Variants in PDE10A observed in about 807,000 individuals in gnomAD.
The protein encoded by PDE10A is phosphodiesterase 10A.
PDE10A carries 39 observed loss-of-function variants against 97.7 expected under a neutral mutation model. The observed-to-expected ratio is 0.40, with a 90% CI of 0.31 to 0.52. The LOEUF is 0.52. Ranked by LOEUF, PDE10A falls within the 20% of genes least tolerant of loss-of-function variation. The probability of loss-of-function intolerance (pLI) is 0.56; values close to 1 mark genes in which losing one functional copy is unlikely to be tolerated. For missense variants in PDE10A, 731 were observed against 1,047.8 expected (o/e 0.70, Z 4.17); for synonymous variants, 371 against 376.8 (o/e 0.98, Z 0.18).
At chr6:165,589,327 A>G (rs745748635) in intron 1 of PDE10A, among the ~76,000 whole-genome samples, 1 of 152,190 alleles carries the variant, frequency 6.6e-6, no homozygotes, top group African/African-American at 2.4e-5. Context: ...TGGCCTCCAC[A>G]TGCTTGTGGA....
rs535719240 is a variant in PDE10A, at chr6:165,491,242, G to A, written c.995-8899C>T. Among the ~76,000 whole-genome samples, 14 of 152,026 alleles carry A rather than the reference G, an allele frequency of 9.2e-5. No individual in the cohort carries two copies. In the South Asian group the frequency reaches 1.5e-3, roughly 16 times the overall value. On this transcript the variant is annotated intron_variant, in intron 2 of 21. Coordinates refer to ENST00000539869, the MANE Select transcript of PDE10A (RefSeq NM_001385079.1). ...ATATATATGCACCTAACACTGGAGC[G>A]CCCAAATTTATAAAAGACCTAAGAA...
chr6:165,419,544 G>A (rs962448892), intron 10 of PDE10A, among the ~76,000 whole-genome samples: 2 of 152,206 alleles, frequency 1.3e-5, no homozygotes, highest in African/African-American at 4.8e-5. Context: ...TGTTCCCATG[G>A]CCCATGCTTT....
intron 1 of PDE10A, among the ~76,000 whole-genome samples, chr6:165,632,764 C>G (rs1788692904): frequency 6.6e-6 from 1 of 152,174 alleles, no homozygotes; most frequent in African/African-American, 2.4e-5. Flanking sequence ...CCTTTCATCA[C>G]AAGTATGGGA....
chr6:165,636,453 AAAG>A (rs1427474864), intron 1 of PDE10A, among the ~76,000 whole-genome samples: 1 of 152,236 alleles, frequency 6.6e-6, no homozygotes, highest in Non-Finnish European at 1.5e-5. Context: ...CAATCATTTA[AAAG>A]AAGAACTCCA....
chr6:165,633,542 C>G (rs896246712), intron 1 of PDE10A, among the ~76,000 whole-genome samples: 6 of 152,096 alleles, frequency 3.9e-5, no homozygotes, highest in Non-Finnish European at 7.4e-5. Flanking sequence ...TTTCAAAACC[C>G]AACATTTATG....
chr6:165,846,678 C>T (rs1583183109), intron 1 of PDE10A, among the ~76,000 whole-genome samples: 1 of 152,138 alleles, frequency 6.6e-6, no homozygotes, highest in East Asian at 1.9e-4. Context: ...CTCCTTTAAG[C>T]GGTTTGTGGA....
At chr6:165,785,791 G>A (rs1312581775) in intron 1 of PDE10A, among the ~76,000 whole-genome samples, 1 of 152,174 alleles carries the variant, frequency 6.6e-6, no homozygotes, top group Admixed American at 6.5e-5. Context: ...AGCATCGCCT[G>A]GGAACTTTCA....
intron 17 of PDE10A, among the ~76,000 whole-genome samples, chr6:165,384,865 G>A (rs1169009101): frequency 1.1e-4 from 16 of 152,172 alleles, no homozygotes; most frequent in Non-Finnish European, 2.9e-5. Flanking sequence ...ACACACACCT[G>A]TGAAGATGCC....
chr6:165,477,571 T>C (rs776003825), intron 3 of PDE10A, among the ~76,000 whole-genome samples: 1 of 152,094 alleles, frequency 6.6e-6, no homozygotes, highest in Non-Finnish European at 1.5e-5. Context: ...TAGGTTAAGA[T>C]ACAGTAGTTT....
At chr6:165,643,183 A>G (rs1209615512) in intron 1 of PDE10A, among the ~76,000 whole-genome samples, 2 of 148,344 alleles carry the variant, frequency 1.3e-5, no homozygotes, top group Non-Finnish European at 3.0e-5. Context: ...GGGTAGATGT[A>G]TGGGTGGATG....
chr6:165,958,490 GAGAA>G (rs1784213197), intron 1 of PDE10A, among the ~76,000 whole-genome samples: 1 of 114,736 alleles, frequency 8.7e-6, no homozygotes, highest in African/African-American at 3.2e-5. Context: ...GAGAGAAAGA[GAGAA>G]AGACAAGAAA....
rs1175180047 is a variant in PDE10A, at chr6:165,662,800, G to C, written c.12C>G (p.Leu4=). Among the ~76,000 whole-genome samples, 4 of 149,750 alleles carry C rather than the reference G, an allele frequency of 2.7e-5. No homozygotes were observed. Among genetic ancestry groups the C allele is most frequent in the Non-Finnish European group, 6.0e-5 (4 of 67,034 alleles). ...GGGGGCGGGGAGCAAGAGGCTCCTC[G>C]AGGCTGGCCATGGTTCCTCCCCGGG... The part of the protein sequence containing the change: MAS[L]EEPLAPRPQG... Residue 4 remains leucine, a synonymous_variant, in exon 1 of 22, where the codon CTC becomes CTG. Coordinates refer to ENST00000539869, the MANE Select transcript of PDE10A (RefSeq NM_001385079.1).
chr6:165,653,518 A>G (rs568256166), intron 1 of PDE10A, among the ~76,000 whole-genome samples: 1 of 152,312 alleles, frequency 6.6e-6, no homozygotes, highest in East Asian at 1.9e-4. Flanking sequence ...GAGGAAGTGG[A>G]GAGAGACAGA....
At chr6:165,938,990 A>G (rs1195343395) in intron 1 of PDE10A, among the ~76,000 whole-genome samples, 1 of 152,232 alleles carries the variant, frequency 6.6e-6, no homozygotes, top group African/African-American at 2.4e-5. Flanking sequence ...GTGTCCATCA[A>G]TAGGAGAATG....
intron 1 of PDE10A, among the ~76,000 whole-genome samples, chr6:165,742,119 G>T (rs1792740941): frequency 6.6e-6 from 1 of 152,110 alleles, no homozygotes; most frequent in Non-Finnish European, 1.5e-5. Flanking sequence ...TACCTTACGG[G>T]TGTCATTTAT....
At chr6:165,927,011 A>C in intron 1 of PDE10A, among the ~76,000 whole-genome samples, 1 of 136,706 alleles carries the variant, frequency 7.3e-6, no homozygotes, top group South Asian at 2.4e-4. Flanking sequence ...CTCACTTATA[A>C]GTGGGAGTTG....
At chr6:165,664,991 A>G (rs112962623), upstream of PDE10A, among the ~76,000 whole-genome samples, 3 of 152,352 alleles carry the variant, frequency 2.0e-5, no homozygotes, top group Admixed American at 1.3e-4. Flanking sequence ...CCCTTATTAA[A>G]TCAGGAGGCA....
At chr6:165,799,497 C>A (rs1309291189) in intron 1 of PDE10A, among the ~76,000 whole-genome samples, 1 of 152,108 alleles carries the variant, frequency 6.6e-6, no homozygotes, top group Non-Finnish European at 1.5e-5. Context: ...GAAGAGCTTG[C>A]AAATGCATTT....
At chr6:165,751,218 C>T (rs191577429) in intron 1 of PDE10A, among the ~76,000 whole-genome samples, 1 of 152,324 alleles carries the variant, frequency 6.6e-6, no homozygotes, top group Non-Finnish European at 1.5e-5. Context: ...TTTCTGCAGG[C>T]CCAGTTATAC....
Sources: gnomAD v4.1 joint callset for allele counts (sites outside exome capture counted in the v4.1 genomes callset) on GRCh38, gnomAD v4.1.1 for gene constraint, MANE v1.5 for transcripts, NCBI Gene and HGNC (gene_info 2026-07-23, HGNC 2026-07-21) for gene names.